Variants in AUTS2 observed in about 807,000 individuals in gnomAD.
The protein encoded by AUTS2 is activator of transcription and developmental regulator AUTS2.
In AUTS2, 17 loss-of-function variants were observed where a neutral mutation model predicts 112.4. That is an observed-to-expected ratio of 0.15 (90% confidence interval 0.10 to 0.23). AUTS2 has a LOEUF of 0.23. Ranked by LOEUF, AUTS2 falls within the 10% of genes least tolerant of loss-of-function variation. The probability of loss-of-function intolerance (pLI) is 1.00; values close to 1 mark genes in which losing one functional copy is unlikely to be tolerated. For missense variants in AUTS2, 1,510 were observed against 1,701.6 expected (o/e 0.89, Z 1.98); for synonymous variants, 751 against 702.7 (o/e 1.07, Z -1.09).
At chr7:69,692,517 A>C (rs1446342230) in intron 1 of AUTS2, among the ~76,000 whole-genome samples, 1 of 152,266 alleles carries the variant, frequency 6.6e-6, no homozygotes, top group Non-Finnish European at 1.5e-5. Context: ...TGAAAACATT[A>C]ACAAATAGCT....
chr7:70,764,499 A>C (rs1465828620), intron 7 of AUTS2, among the ~76,000 whole-genome samples: 1 of 152,028 alleles, frequency 6.6e-6, no homozygotes, highest in Non-Finnish European at 1.5e-5. Context: ...AGGCAGAATG[A>C]GCTGTCTCGA....
intron 1 of AUTS2, among the ~76,000 whole-genome samples, chr7:69,608,556 G>C (rs961272122): frequency 1.3e-5 from 2 of 152,156 alleles, no homozygotes; most frequent in Non-Finnish European, 2.9e-5. Context: ...GCTAAAGGTT[G>C]CTGGTTAAAT....
At chr7:69,706,839 T>C (rs564296389) in intron 1 of AUTS2, among the ~76,000 whole-genome samples, 2 of 152,294 alleles carry the variant, frequency 1.3e-5, no homozygotes, top group African/African-American at 4.8e-5. Context: ...TTGTATTGTG[T>C]GATGAGATTA....
intron 5 of AUTS2, among the ~76,000 whole-genome samples, chr7:70,473,549 T>G (rs1035512652): frequency 6.6e-6 from 1 of 152,176 alleles, no homozygotes; most frequent in African/African-American, 2.4e-5. Flanking sequence ...TGAATCTGAC[T>G]TGCTTAAGAA....
At chr7:70,498,744 G>A (rs1405272439) in intron 5 of AUTS2, among the ~76,000 whole-genome samples, 3 of 152,196 alleles carry the variant, frequency 2.0e-5, no homozygotes, top group African/African-American at 7.2e-5. Context: ...TAGGAGCTTG[G>A]TAGGGGAACA....
intron 5 of AUTS2, among the ~76,000 whole-genome samples, chr7:70,668,548 C>T (rs1339384645): frequency 6.6e-6 from 1 of 152,172 alleles, no homozygotes; most frequent in Non-Finnish European, 1.5e-5. Context: ...TCCTACTGGA[C>T]CTCGTTTGTC....
chr7:70,344,889 A>G (rs1296046597), intron 4 of AUTS2, among the ~76,000 whole-genome samples: 1 of 152,228 alleles, frequency 6.6e-6, no homozygotes, highest in Non-Finnish European at 1.5e-5. Flanking sequence ...TTAGGAAAAC[A>G]TGCAAGAAAA....
intron 14 of AUTS2, among the ~76,000 whole-genome samples, chr7:70,779,111 C>T (rs1407900072): frequency 2.5e-4 from 38 of 152,094 alleles, no homozygotes; most frequent in Non-Finnish European, 1.5e-4. Context: ...TGCTATGTAC[C>T]ATGCAATATT....
intron 2 of AUTS2, among the ~76,000 whole-genome samples, chr7:69,990,077 T>A (rs1798681936): frequency 6.6e-6 from 1 of 152,148 alleles, no homozygotes. Flanking sequence ...AGAAGAGTAA[T>A]TCAAAAAACA....
chr7:69,992,133 T>A (rs979698489), intron 2 of AUTS2, among the ~76,000 whole-genome samples: 2 of 152,224 alleles, frequency 1.3e-5, no homozygotes, highest in African/African-American at 4.8e-5. Context: ...ATCTGTTGTA[T>A]CATTGCTGAT....
At chr7:70,561,848 A>G (rs925203730) in intron 5 of AUTS2, among the ~76,000 whole-genome samples, 1 of 152,052 alleles carries the variant, frequency 6.6e-6, no homozygotes, top group African/African-American at 2.4e-5. Context: ...CGTGTTGATA[A>G]GGTTTAGATA....
At chr7:70,637,714 G>T (rs1223227974) in intron 5 of AUTS2, among the ~76,000 whole-genome samples, 3 of 152,156 alleles carry the variant, frequency 2.0e-5, no homozygotes, top group Non-Finnish European at 2.9e-5. Context: ...CTAAGTAGGG[G>T]TATTTTGGGG....
intron 1 of AUTS2, among the ~76,000 whole-genome samples, chr7:69,671,521 G>GTGTC (rs1796328435): frequency 1.3e-5 from 2 of 150,576 alleles, no homozygotes; most frequent in Non-Finnish European, 3.0e-5. Flanking sequence ...GTGTGTGTGT[G>GTGTC]TGTCTGTGTG....
At chr7:70,345,336 A>G (rs1791448230) in intron 4 of AUTS2, among the ~76,000 whole-genome samples, 1 of 152,164 alleles carries the variant, frequency 6.6e-6, no homozygotes, top group South Asian at 2.1e-4. Flanking sequence ...TCTTTGTTCA[A>G]CGCTGGTGAA....
intron 4 of AUTS2, among the ~76,000 whole-genome samples, chr7:70,266,360 G>A (rs1266437475): frequency 6.6e-6 from 1 of 152,198 alleles, no homozygotes; most frequent in Non-Finnish European, 1.5e-5. Context: ...TCCATTGCCA[G>A]TGGCTGAAAT....
chr7:70,400,699 C>T (rs1263951519), intron 4 of AUTS2, among the ~76,000 whole-genome samples: 1 of 152,126 alleles, frequency 6.6e-6, no homozygotes, highest in Non-Finnish European at 1.5e-5. Flanking sequence ...GTCACTGAAA[C>T]TTTTCTTTTT....
chr7:69,912,817 C>T (rs1045039243), intron 2 of AUTS2, among the ~76,000 whole-genome samples: 2 of 152,238 alleles, frequency 1.3e-5, no homozygotes, highest in Non-Finnish European at 1.5e-5. Context: ...CTCAGAGTCA[C>T]AAAATGCCTT....
chr7:70,732,539 A>G (rs577567825), intron 6 of AUTS2, among the ~76,000 whole-genome samples: 1 of 152,266 alleles, frequency 6.6e-6, no homozygotes, highest in South Asian at 2.1e-4. Context: ...CTCCCCTGAC[A>G]GAAACATTGC....
chr7:70,397,631 A>G (rs1472636609), intron 4 of AUTS2, among the ~76,000 whole-genome samples: 1 of 151,280 alleles, frequency 6.6e-6, no homozygotes. Flanking sequence ...ATTTATTTAC[A>G]TATGTATACA....
Sources: allele counts gnomAD v4.1 joint callset (sites outside exome capture counted in the v4.1 genomes callset), GRCh38; gene constraint gnomAD v4.1.1; transcripts MANE v1.5; gene names NCBI Gene and HGNC (gene_info 2026-07-23, HGNC 2026-07-21).